The following EFCAB6 variants were observed in gnomAD, a reference collection of about 807,000 sequenced individuals.
The protein encoded by EFCAB6 is EF-hand calcium binding domain 6, also known as EF-hand calcium-binding domain-containing protein 6.
Under a neutral mutation model 169.8 loss-of-function variants are expected in EFCAB6, and 156 were observed. That is an observed-to-expected ratio of 0.92 (90% CI 0.81 to 1.05). EFCAB6 has a LOEUF of 1.05. Among genes scored for constraint, EFCAB6 ranks in the 50% least tolerant of loss-of-function variants. The probability of loss-of-function intolerance (pLI) is 0.00; values close to 1 mark genes in which losing one functional copy is unlikely to be tolerated. For missense variants in EFCAB6, 1,800 were observed against 1,829.1 expected, an observed-to-expected ratio of 0.98 and a Z score of 0.29; for synonymous variants, 698 against 676.4, an observed-to-expected ratio of 1.03 and a Z score of -0.50.
At chr22:43,560,525 T>G (rs981384203) in intron 26 of EFCAB6, among the ~76,000 whole-genome samples, 1 of 152,160 alleles carries the variant, frequency 6.6e-6, no homozygotes, top group African/African-American at 2.4e-5. Flanking sequence ...AAGGTAACCT[T>G]GGGTAGGGGC....
rs2147072104 is a variant in EFCAB6, at chr22:43,554,891, A to T, written c.3626T>A (p.Val1209Asp). ...EEFRAICNRR[V>D]QILTDEQFDR... ...TACCTGTTCGTCCGTCAGGATTTGG[A>T]CGCGGCGATTACAAATGGCCCTAAA... Residue 1209 changes from valine to aspartate, a missense_variant, in exon 27 of 32, where the codon GTC (valine) becomes GAC (aspartate). Val to Asp is a radical substitution (Grantham distance 152). Coordinates refer to ENST00000262726, the MANE Select transcript of EFCAB6 (RefSeq NM_022785.4). The T allele has an allele frequency of 2.5e-6, 4 of 1,614,184 alleles. No homozygotes were observed. Among genetic ancestry groups the T allele is most frequent in the Non-Finnish European group, 3.4e-6 (4 of 1,180,042 alleles).
intron 30 of EFCAB6, 147 bp from the exon 31 acceptor site, chr22:43,531,111 C>T: frequency 9.3e-7 from 1 of 1,075,904 alleles, no homozygotes. Flanking sequence ...GAGGAGGGAG[C>T]CTGCCAGAAC....
intron 10 of EFCAB6, among the ~76,000 whole-genome samples, chr22:43,703,502 A>C (rs752791067): frequency 6.6e-6 from 1 of 152,200 alleles, no homozygotes; most frequent in African/African-American, 2.4e-5. Context: ...CCAACAATGG[A>C]CCCTAAAGAA....
intron 18 of EFCAB6, 52 bp downstream of exon 18, chr22:43,635,050 G>A (rs2055278978): frequency 1.4e-6 from 2 of 1,463,956 alleles, no homozygotes; most frequent in Admixed American, 1.7e-5. Flanking sequence ...GCAAAGACAT[G>A]CAGTGTCACC....
At chr22:43,606,921 T>A (rs1490685406) in intron 22 of EFCAB6, among the ~76,000 whole-genome samples, 1 of 152,064 alleles carries the variant, frequency 6.6e-6, no homozygotes, top group African/African-American at 2.4e-5. Context: ...GGGACATGAC[T>A]CCAATACCTC....
At chr22:43,532,585 T>C (rs2047141194) in intron 30 of EFCAB6, among the ~76,000 whole-genome samples, 2 of 152,284 alleles carry the variant, frequency 1.3e-5, no homozygotes, top group Non-Finnish European at 2.9e-5. Context: ...AAAGTCTTTT[T>C]TTTTTTTTTT....
At position 43,678,748 on chromosome 22, in the gene EFCAB6, T is replaced by C. The variant is rs2057882234; in HGVS notation, c.1252-585A>G. On this transcript the variant is annotated intron_variant, in intron 12 of 31. Coordinates refer to ENST00000262726, the MANE Select transcript of EFCAB6 (RefSeq NM_022785.4). ...AATTTCTTCCCCCAGAATAAAAATT[T>C]ATCAATAAGTAGACTGAACACCAAA... Among the ~76,000 whole-genome samples, 3 of 152,198 alleles carry C rather than the reference T, an allele frequency of 2.0e-5. 1 individual carries two copies. The South Asian group carries it at 6.2e-4, about 32-fold the overall frequency.
rs755141605 is a variant in EFCAB6 at position 43,672,285 on chromosome 22, A to G, written c.1440T>C (p.Cys480=). 4 of 1,614,184 alleles carry G rather than the reference A, an allele frequency of 2.5e-6. No homozygotes were observed. The highest frequency in any genetic ancestry group is 3.4e-6 in the Non-Finnish European group (4 of 1,180,010). The change falls in exon 14 of 32, where the codon TGT becomes TGC. Residue 480 remains cysteine (C), a synonymous_variant. Coordinates refer to ENST00000262726, the MANE Select transcript of EFCAB6 (RefSeq NM_022785.4). ...ENCRMRKTSP[C]TDAKTPFLLA... is the part of the protein sequence containing the mutation. ...GGAGGAAAGGTGTCTTAGCATCTGT[A>G]CAGGGAGATGTCTTTCTCATCTAAT...
chr22:43,530,927 G>A lies in EFCAB6; in HGVS notation c.4271C>T (p.Ala1424Val). The A allele has an allele frequency of 1.2e-6, 2 of 1,614,258 alleles. No homozygotes were observed. Among genetic ancestry groups the A allele is most frequent in the Non-Finnish European group, 1.7e-6 (2 of 1,180,046 alleles). ...AATTTTGGGCTGAATACGCAGCAGA[G>A]CAGAGTAAAAAGATGGCGTCTCCGC... ...AGAETPSFYSALLRIQPKIVH... is the reference protein window; with the variant it reads ...AGAETPSFYSVLLRIQPKIVH... Residue 1424 changes from alanine (A) to valine (V), a missense_variant, in exon 31 of 32, where the codon GCT (alanine) becomes GTT (valine). Coordinates refer to ENST00000262726, the MANE Select transcript of EFCAB6 (RefSeq NM_022785.4).
At chr22:43,669,347 C>T (rs549352773) in intron 15 of EFCAB6, among the ~76,000 whole-genome samples, 1 of 152,278 alleles carries the variant, frequency 6.6e-6, no homozygotes, top group South Asian at 2.1e-4. Context: ...TATACACAAA[C>T]TATGGTAAAC....
chr22:43,585,267 A>T (rs922776990), intron 24 of EFCAB6, among the ~76,000 whole-genome samples: 2 of 152,280 alleles, frequency 1.3e-5, no homozygotes, highest in Admixed American at 1.3e-4. Context: ...GGAAACTCTA[A>T]GAAAGAATTA....
intron 22 of EFCAB6, among the ~76,000 whole-genome samples, chr22:43,604,368 T>G (rs2052758987): frequency 2.6e-5 from 4 of 152,080 alleles, no homozygotes; most frequent in Admixed American, 2.6e-4. Flanking sequence ...CTCTCCCCAG[T>G]AAAAAGGGGG....
intron 11 of EFCAB6, among the ~76,000 whole-genome samples, chr22:43,685,912 G>A (rs1397975127): frequency 6.6e-6 from 1 of 152,122 alleles, no homozygotes; most frequent in Non-Finnish European, 1.5e-5. Flanking sequence ...AGTGGCCTCT[G>A]AAGTGTTCTA....
chr22:43,555,214 G>A, intron 26 of EFCAB6, 118 bp from the exon 27 acceptor site: 1 of 1,038,824 alleles, frequency 9.6e-7, no homozygotes, highest in East Asian at 2.6e-5. Flanking sequence ...GGAGAGGCCA[G>A]AAGACAGCTA....
intron 17 of EFCAB6, among the ~76,000 whole-genome samples, chr22:43,647,344 G>C (rs779685881): frequency 6.6e-6 from 1 of 152,106 alleles, no homozygotes; most frequent in Non-Finnish European, 1.5e-5. Flanking sequence ...AAAACAAAAA[G>C]ACATGATATA....
chr22:43,592,909 A>G (rs575981941), intron 23 of EFCAB6, among the ~76,000 whole-genome samples: 12 of 152,356 alleles, frequency 7.9e-5, no homozygotes, highest in African/African-American at 2.9e-4. Flanking sequence ...ATGCAAGAAG[A>G]AAAAAAGATT....
chr22:43,735,816 G>T, intron 7 of EFCAB6, 41 bp downstream of exon 7: 1 of 1,604,590 alleles, frequency 6.2e-7, no homozygotes, highest in South Asian at 1.1e-5. Flanking sequence ...TTGGTTAAAA[G>T]TTCTACTGAG....
Position 43,600,179 on chromosome 22 carries a change from C to A in EFCAB6, c.2766G>T (p.Arg922=). The A allele has an allele frequency of 6.2e-7, 1 of 1,614,130 alleles. No individual in the cohort carries two copies. The highest frequency in any genetic ancestry group is 8.5e-7 in the Non-Finnish European group (1 of 1,180,012). ...LGINYSPAVH[R]PCAEDYFNFM... is the part of the protein sequence containing the mutation. Reference sequence around the variant, plus strand: ...AGTTGAAATAATCCTCTGCACAGGGCCGATGGACAGCAGGCGAATAGTTAA... The same window carrying A: ...AGTTGAAATAATCCTCTGCACAGGGACGATGGACAGCAGGCGAATAGTTAA... The change falls in exon 23 of 32, where the codon CGG becomes CGT. Residue 922 remains arginine, a synonymous_variant. Transcript: ENST00000262726.
intron 26 of EFCAB6, among the ~76,000 whole-genome samples, chr22:43,562,371 T>G (rs1192661903): frequency 6.6e-6 from 1 of 152,214 alleles, no homozygotes; most frequent in African/African-American, 2.4e-5. Context: ...GGGGTGCTTC[T>G]CAGCTTCAAA....
Sources: gnomAD v4.1 joint callset for allele counts (sites outside exome capture counted in the v4.1 genomes callset) on GRCh38, gnomAD v4.1.1 for gene constraint, MANE v1.5 for transcripts, NCBI Gene and HGNC (gene_info 2026-07-23, HGNC 2026-07-21) for gene names.